The following ACTR1A variants were observed in gnomAD, a reference collection of about 807,000 sequenced individuals.
ACTR1A encodes the protein actin related protein 1A.
A neutral mutation model predicts 50.7 loss-of-function variants in ACTR1A; 10 were observed. The ratio of observed to expected loss-of-function variants is 0.20; its 90% confidence interval spans 0.12 to 0.33. The LOEUF is 0.33. Ranked by LOEUF, ACTR1A falls within the 10% of genes least tolerant of loss-of-function variation. ACTR1A has a pLI of 1.00. For missense variants in ACTR1A, 253 were observed against 491.7 expected (o/e 0.51, Z 4.59); for synonymous variants, 177 against 184.2 (o/e 0.96, Z 0.32).
chr10:102,481,933 C>A, intron 8 of ACTR1A, 35 bp from the exon 9 acceptor site: 2 of 1,613,594 alleles, frequency 1.2e-6, no homozygotes, highest in Non-Finnish European at 1.7e-6. Flanking sequence ...CAAGTCAATT[C>A]TCAGGGTGCC....
Position 102,484,189 on chromosome 10 carries a change from CAG to C in ACTR1A, c.626_627del (p.Ser209Ter), listed in dbSNP as rs2062156066. On this transcript the variant is annotated frameshift_variant, in exon 6 of 11. Coordinates refer to ENST00000369905, the MANE Select transcript of ACTR1A (RefSeq NM_005736.4). LOFTEE classifies it high-confidence loss of function. ...RKEGYDFHSS[S>X]EFEIVKAIKE... The stretch of plus-strand genomic sequence containing the variant: ...TTTATGGCCTTGACAATCTCAAACT[CAG>C]AGGATGAGTGGAAGTCGTAGCCCTC... The C allele has an allele frequency of 6.2e-7, 1 of 1,614,066 alleles. No homozygotes were observed. Among genetic ancestry groups the C allele is most frequent in the Non-Finnish European group, 8.5e-7 (1 of 1,180,046 alleles).
chr10:102,493,031 G>T (rs1464497251), intron 1 of ACTR1A, among the ~76,000 whole-genome samples: 2 of 101,686 alleles, frequency 2.0e-5, no homozygotes, highest in Admixed American at 2.1e-4. Flanking sequence ...AAAAGAAGTG[G>T]TTGAAGGGCA....
At position 102,481,702 on chromosome 10, in the gene ACTR1A, G is replaced by A; in HGVS notation, c.987+135C>T. The A allele has an allele frequency of 2.9e-6, 3 of 1,022,260 alleles. No homozygotes were observed. In the South Asian group the frequency reaches 4.3e-5, roughly 15 times the overall value. The allele number at this position is 1,022,260 out of a possible 1,614,324, so 63.3% of individuals were successfully genotyped here. A position where few individuals can be genotyped will look rare whatever the true frequency, so the allele number is the denominator to read the frequency against. ...CCTAGACCTCAGGGTCAGTGTACAG[G>A]CTGGGAACCTGGCGCTGCTTGTAGA... On this transcript the variant is annotated intron_variant, in intron 9 of 10. Transcript: ENST00000369905.
intron 1 of ACTR1A, among the ~76,000 whole-genome samples, chr10:102,493,021 AAAAG>A (rs1489551884): frequency 6.6e-6 from 1 of 150,654 alleles, no homozygotes; most frequent in African/African-American, 2.4e-5. Flanking sequence ...AAAAAAAAAA[AAAAG>A]AAGTGGTTGA....
At chr10:102,489,788 TG>T (rs2062183579) in intron 2 of ACTR1A, among the ~76,000 whole-genome samples, 1 of 152,170 alleles carries the variant, frequency 6.6e-6, no homozygotes, top group South Asian at 2.1e-4. Flanking sequence ...CACTCCAGCC[TG>T]GGCTACAGAA....
chr10:102,493,977 C>A (rs190303799), intron 1 of ACTR1A, among the ~76,000 whole-genome samples: 45 of 152,310 alleles, frequency 3.0e-4, no homozygotes, highest in African/African-American at 9.9e-4. Context: ...AGCAGGCCTG[C>A]CATGCCAGTC....
At chr10:102,491,955 G>C (rs188630646) in intron 1 of ACTR1A, among the ~76,000 whole-genome samples, 6,153 of 138,670 alleles carry the variant, frequency 0.044, 426 homozygotes, top group African/African-American at 0.16. Context: ...TTTTTTAGTA[G>C]AGACAGGGTT....
chr10:102,483,961 T>C, intron 6 of ACTR1A, 199 bp downstream of exon 6: 1 of 589,472 alleles, frequency 1.7e-6, no homozygotes, highest in Non-Finnish European at 3.0e-6. Flanking sequence ...AGCAGCTCCC[T>C]TTCCCCCAAC....
intron 9 of ACTR1A, 109 bp downstream of exon 9, chr10:102,481,728 G>T: frequency 7.5e-7 from 1 of 1,327,414 alleles, no homozygotes; most frequent in Non-Finnish European, 1.1e-6. Flanking sequence ...TGCTTGTAGA[G>T]CCATGGCTGC....
Position 102,488,950 on chromosome 10 carries a change from G to C in ACTR1A, c.189+113C>G, listed in dbSNP as rs1195956124. On this transcript the variant is annotated intron_variant, in intron 3 of 10. Transcript: ENST00000369905. The surrounding 1 kb of genome is among the most constrained non-coding windows in gnomAD (Gnocchi z 4.4). ...GAGAATCAAAAAGGAGATTTTCAGA[G>C]AAAGTTGCCCCTTTTACTTATGGGT... 6.9e-6 allele frequency: 5 copies of C among 722,598 alleles called. No individual in the cohort carries two copies. Among genetic ancestry groups the C allele is most frequent in the Non-Finnish European group, 8.4e-6 (4 of 477,146 alleles). The allele number at this position is 722,598 out of a possible 1,614,324, so 44.8% of individuals were successfully genotyped here. A position where few individuals can be genotyped will look rare whatever the true frequency, so the allele number is the denominator to read the frequency against.
chr10:102,498,692 C>G (rs1459728441), intron 1 of ACTR1A, among the ~76,000 whole-genome samples: 3 of 151,610 alleles, frequency 2.0e-5, no homozygotes, highest in African/African-American at 7.3e-5. Flanking sequence ...AGGCTGGTCT[C>G]CAATTCCTGG....
intron 1 of ACTR1A, among the ~76,000 whole-genome samples, chr10:102,500,712 G>A (rs1420207737): frequency 5.9e-5 from 9 of 151,986 alleles, no homozygotes; most frequent in Admixed American, 3.3e-4. Flanking sequence ...AGCTGAGATC[G>A]CACAATTGCA....
At chr10:102,498,283 C>G (rs1270789956) in intron 1 of ACTR1A, among the ~76,000 whole-genome samples, 1 of 151,232 alleles carries the variant, frequency 6.6e-6, no homozygotes, top group African/African-American at 2.4e-5. Context: ...TGTTATATAC[C>G]ACACCGAATT....
intron 1 of ACTR1A, among the ~76,000 whole-genome samples, chr10:102,492,832 T>C (rs573428654): frequency 6.6e-6 from 1 of 151,960 alleles, no homozygotes; most frequent in African/African-American, 2.4e-5. Context: ...GGCAAAACAC[T>C]GTCTTTACTA....
At chr10:102,497,812 G>T (rs902633334) in intron 1 of ACTR1A, among the ~76,000 whole-genome samples, 1 of 151,860 alleles carries the variant, frequency 6.6e-6, no homozygotes, top group Non-Finnish European at 1.5e-5. Context: ...GGATAGGGTT[G>T]CCAGGCACAG....
intron 1 of ACTR1A, among the ~76,000 whole-genome samples, chr10:102,501,949 A>G (rs2062254230): frequency 6.6e-6 from 1 of 152,324 alleles, no homozygotes; most frequent in East Asian, 1.9e-4. Context: ...AATCACAGTA[A>G]TAGCTGACAT....
At chr10:102,492,069 CTTTTTTTTTT>C (rs71016386) in intron 1 of ACTR1A, among the ~76,000 whole-genome samples, 9 of 92,342 alleles carry the variant, frequency 9.7e-5, no homozygotes, top group African/African-American at 3.2e-4. Flanking sequence ...CGTGCCCGGC[CTTTTTTTTTT>C]TTTTTTTTTG....
At chr10:102,491,976 A>T (rs1483913797) in intron 1 of ACTR1A, among the ~76,000 whole-genome samples, 3 of 135,408 alleles carry the variant, frequency 2.2e-5, no homozygotes, top group South Asian at 2.4e-4. Flanking sequence ...TCACCGTGTT[A>T]GCCAGGATGA....
intron 6 of ACTR1A, 63 bp from the exon 7 acceptor site, chr10:102,483,166 CA>C (rs1248455506): frequency 4.8e-6 from 6 of 1,253,864 alleles, no homozygotes; most frequent in Admixed American, 1.7e-5. Flanking sequence ...GTCAAAGGCC[CA>C]GGGGAGGAAT....
Sources: gnomAD v4.1 joint callset for allele counts (sites outside exome capture counted in the v4.1 genomes callset) on GRCh38, gnomAD v4.1.1 for gene constraint, Gnocchi (gnomAD v3.1) non-coding constraint, MANE v1.5 for transcripts, NCBI Gene and HGNC (gene_info 2026-07-23, HGNC 2026-07-21) for gene names.